MAST4: variants seen among roughly 807,000 people sequenced by gnomAD.
The protein encoded by MAST4 is microtubule associated serine/threonine kinase family member 4.
In MAST4, 89 loss-of-function variants were observed where a neutral mutation model predicts 162.7. That is an observed-to-expected ratio of 0.55 (90% confidence interval 0.46 to 0.65). MAST4 has a LOEUF of 0.65. Ranked by LOEUF, MAST4 falls within the 30% of genes least tolerant of loss-of-function variation. The pLI is 0.00. For missense variants in MAST4, 3,153 were observed against 3,374.0 expected (o/e 0.93, Z 1.62); for synonymous variants, 1,479 against 1,361.1 (o/e 1.09, Z -1.91).
intron 1 of MAST4, among the ~76,000 whole-genome samples, chr5:66,638,896 A>C (rs1188741982): frequency 2.6e-5 from 4 of 152,216 alleles, no homozygotes; most frequent in South Asian, 2.1e-4. Flanking sequence ...ATTTACTGAG[A>C]TGGGGAAACG....
At chr5:66,722,155 G>A (rs1751251022) in intron 1 of MAST4, among the ~76,000 whole-genome samples, 1 of 152,010 alleles carries the variant, frequency 6.6e-6, no homozygotes, top group Non-Finnish European at 1.5e-5. Flanking sequence ...AACCTCTGAA[G>A]TTTTGAGTAA....
At chr5:67,012,880 A>G (rs1308176059) in intron 4 of MAST4, among the ~76,000 whole-genome samples, 1 of 152,204 alleles carries the variant, frequency 6.6e-6, no homozygotes, top group Non-Finnish European at 1.5e-5. Context: ...TGAGAAGGTA[A>G]TTATACTAAT....
At chr5:66,785,045 C>T (rs910770640) in intron 2 of MAST4, among the ~76,000 whole-genome samples, 1 of 152,158 alleles carries the variant, frequency 6.6e-6, no homozygotes, top group Non-Finnish European at 1.5e-5. Context: ...TGCCATTGTA[C>T]AACATGGTAA....
At chr5:66,801,338 T>C (rs991525246) in intron 3 of MAST4, among the ~76,000 whole-genome samples, 3 of 151,980 alleles carry the variant, frequency 2.0e-5, no homozygotes, top group African/African-American at 7.3e-5. Flanking sequence ...GGTTAGGGTG[T>C]ACTTGGAGTG....
chr5:66,822,084 C>T (rs1454429340), intron 3 of MAST4, among the ~76,000 whole-genome samples: 1 of 152,134 alleles, frequency 6.6e-6, no homozygotes, highest in Non-Finnish European at 1.5e-5. Flanking sequence ...AATGAGAAAC[C>T]AGAGCTCAAG....
At chr5:66,786,340 G>A (rs906104351) in intron 2 of MAST4, among the ~76,000 whole-genome samples, 6 of 151,770 alleles carry the variant, frequency 4.0e-5, no homozygotes, top group African/African-American at 1.5e-4. Context: ...ACAACAGTGA[G>A]GCTATAGTGG....
At chr5:66,608,826 C>T (rs1199256017) in intron 1 of MAST4, among the ~76,000 whole-genome samples, 1 of 151,786 alleles carries the variant, frequency 6.6e-6, no homozygotes, top group Non-Finnish European at 1.5e-5. Context: ...GGGGGGAGAA[C>T]GCGAGTCTTC....
At chr5:66,963,336 A>G (rs1430138268) in intron 4 of MAST4, among the ~76,000 whole-genome samples, 1 of 152,170 alleles carries the variant, frequency 6.6e-6, no homozygotes, top group Non-Finnish European at 1.5e-5. Flanking sequence ...AAACTACGAT[A>G]TTTCACCTAA....
chr5:66,994,960 C>A (rs189692174), intron 4 of MAST4, among the ~76,000 whole-genome samples: 8 of 152,262 alleles, frequency 5.3e-5, no homozygotes, highest in African/African-American at 1.9e-4. Context: ...AAACTGTTCA[C>A]ATAAATGCAC....
intron 5 of MAST4, among the ~76,000 whole-genome samples, chr5:67,075,044 C>T (rs1163453042): frequency 6.6e-6 from 1 of 152,100 alleles, no homozygotes; most frequent in Non-Finnish European, 1.5e-5. Context: ...TCTAATTTGT[C>T]CTTAGTCAGC....
intron 1 of MAST4, among the ~76,000 whole-genome samples, chr5:66,715,139 G>C (rs1020352105): frequency 6.6e-6 from 1 of 152,110 alleles, no homozygotes; most frequent in Non-Finnish European, 1.5e-5. Flanking sequence ...TGGACTAATG[G>C]GTTGCCTGGC....
intron 3 of MAST4, among the ~76,000 whole-genome samples, chr5:66,866,043 C>T (rs1760492633): frequency 7.0e-6 from 1 of 143,678 alleles, no homozygotes; most frequent in Admixed American, 7.2e-5. Context: ...CCACCACACT[C>T]CAGCCTGGGT....
intron 4 of MAST4, among the ~76,000 whole-genome samples, chr5:66,912,568 A>G (rs1167503739): frequency 1.3e-5 from 2 of 152,212 alleles, no homozygotes; most frequent in African/African-American, 4.8e-5. Flanking sequence ...TTAGAGGAAT[A>G]GTGGTGGCTT....
chr5:67,023,062 G>A (rs1754181879), intron 4 of MAST4, among the ~76,000 whole-genome samples: 2 of 152,148 alleles, frequency 1.3e-5, no homozygotes, highest in South Asian at 4.1e-4. Context: ...GCTAAATAGA[G>A]CAAGAACAAT....
At chr5:66,609,249 G>A (rs923513123) in intron 1 of MAST4, among the ~76,000 whole-genome samples, 1 of 151,984 alleles carries the variant, frequency 6.6e-6, no homozygotes, top group Admixed American at 6.6e-5. Context: ...ATTTAAAAAG[G>A]TTTGTAGGAT....
chr5:66,766,849 C>T (rs1754118322), intron 2 of MAST4, among the ~76,000 whole-genome samples: 1 of 152,158 alleles, frequency 6.6e-6, no homozygotes, highest in Non-Finnish European at 1.5e-5. Context: ...GATAATGCTA[C>T]ATGCTATGAC....
At chr5:66,982,987 G>A (rs1749053235) in intron 4 of MAST4, among the ~76,000 whole-genome samples, 1 of 152,182 alleles carries the variant, frequency 6.6e-6, no homozygotes, top group South Asian at 2.1e-4. Context: ...TTCATCAGGA[G>A]AGTTATAGCT....
intron 4 of MAST4, among the ~76,000 whole-genome samples, chr5:66,980,706 A>G (rs2150235907): frequency 6.6e-6 from 1 of 152,356 alleles, no homozygotes; most frequent in East Asian, 1.9e-4. Flanking sequence ...GATCTAATTC[A>G]TCTAGGGCCA....
intron 1 of MAST4, among the ~76,000 whole-genome samples, chr5:66,615,677 G>A (rs1254879630): frequency 1.3e-5 from 2 of 151,934 alleles, no homozygotes; most frequent in South Asian, 2.1e-4. Flanking sequence ...GCTGAGTATG[G>A]TGGTGCATGC....
Sources: gnomAD v4.1 joint callset for allele counts (sites outside exome capture counted in the v4.1 genomes callset) on GRCh38, gnomAD v4.1.1 for gene constraint, MANE v1.5 for transcripts, NCBI Gene and HGNC (gene_info 2026-07-23, HGNC 2026-07-21) for gene names.